SGTA: variants seen among roughly 807,000 people sequenced by gnomAD.
SGTA encodes the protein small glutamine-rich tetratricopeptide repeat-containing protein alpha.
SGTA carries 22 observed loss-of-function variants against 44.3 expected under a neutral mutation model. The observed-to-expected ratio is 0.50, with a 90% CI of 0.36 to 0.71. The LOEUF (loss-of-function observed/expected upper bound fraction) is 0.71. Among genes scored for constraint, SGTA ranks in the 30% least tolerant of loss-of-function variants. SGTA has a pLI of 0.00. For synonymous variants in SGTA, 174 were observed against 177.6 expected (o/e 0.98, Z 0.16); for missense variants, 341 against 435.9 (o/e 0.78, Z 1.94).
chr19:2,771,509 G>A (rs913794670), intron 1 of SGTA, among the ~76,000 whole-genome samples: 5 of 149,958 alleles, frequency 3.3e-5, no homozygotes, highest in South Asian at 4.2e-4. Flanking sequence ...TAGGGGAAGC[G>A]ACTTAACTCT....
At chr19:2,776,934 G>T (rs1159684644) in intron 1 of SGTA, among the ~76,000 whole-genome samples, 2 of 151,866 alleles carry the variant, frequency 1.3e-5, no homozygotes, top group South Asian at 2.1e-4. Flanking sequence ...CTGCACTCCA[G>T]CCTGGGTGGC....
At chr19:2,776,357 C>T (rs116765638) in intron 1 of SGTA, among the ~76,000 whole-genome samples, 300 of 152,362 alleles carry the variant, frequency 2.0e-3, no homozygotes, top group African/African-American at 6.1e-3. Context: ...CACGACGGAA[C>T]GCTACGCAGC....
In SGTA at chr19:2,755,534, C is replaced by A. The variant is rs1914797574; in HGVS notation, c.*406G>T. ...AGACGGGAGAGTTCCTGCAGACAGA[C>A]CACGGGATGGGGGGCGGGGGCTGTA... On this transcript the variant is annotated 3_prime_UTR_variant, in exon 12 of 12. Coordinates refer to ENST00000221566, the MANE Select transcript of SGTA (RefSeq NM_003021.4). This position sits in a 1 kb window ranked among gnomAD's most constrained non-coding sequence, Gnocchi z 5.2. 1.0e-6 allele frequency: 1 copy of A among 986,484 alleles called. No individual in the cohort carries two copies. The allele number at this position is 986,484 out of a possible 1,614,324, so 61.1% of individuals were successfully genotyped here. A position where few individuals can be genotyped will look rare whatever the true frequency, so the allele number is the denominator to read the frequency against.
intron 6 of SGTA, 23 bp from the exon 7 acceptor site, chr19:2,762,667 G>A: frequency 6.2e-7 from 1 of 1,613,024 alleles, no homozygotes. Flanking sequence ...ACCGGGGATG[G>A]ACTGTTCCCA....
rs761106959 is a variant in SGTA, at chr19:2,767,241, G to C, written c.208-21C>G. On this transcript the variant is annotated intron_variant, in intron 3 of 11. Transcript: ENST00000221566. This position sits in a 1 kb window ranked among gnomAD's most constrained non-coding sequence, Gnocchi z 7.3. ...ATCTCCTGGACCCGGAGGCAAAGGC[G>C]GCCCGCTGTCCTCTCCTCCCAACCT... The C allele has an allele frequency of 1.9e-5, 30 of 1,582,166 alleles. No homozygotes were observed. In the South Asian group the frequency reaches 3.1e-4, roughly 16 times the overall value.
At chr19:2,779,466 C>T (rs1185790605) in intron 1 of SGTA, among the ~76,000 whole-genome samples, 8 of 152,182 alleles carry the variant, frequency 5.3e-5, no homozygotes, top group Non-Finnish European at 1.2e-4. Context: ...AGCATGAGGA[C>T]GGCATTTTCC....
In SGTA at chr19:2,767,368, GC is replaced by G. The variant is rs1347777092; in HGVS notation, c.208-149del. The G allele has an allele frequency of 2.4e-5, 18 of 737,650 alleles. No homozygotes were observed. The highest frequency in any genetic ancestry group is 4.0e-5 in the Non-Finnish European group (18 of 446,522). 45.7% of individuals were successfully genotyped at this position (737,650 alleles called of 1,614,324 possible). On this transcript the variant is annotated intron_variant, in intron 3 of 11. Coordinates refer to ENST00000221566, the MANE Select transcript of SGTA (RefSeq NM_003021.4). The surrounding 1 kb of genome is among the most constrained non-coding windows in gnomAD (Gnocchi z 7.3). ...GGGACTCCTGGCCCCCCATCATGTG[GC>G]CCTGGGCGAGTGACCACAGCGCTAT...
At chr19:2,764,527 AG>A (rs1380354634) in intron 5 of SGTA, among the ~76,000 whole-genome samples, 5 of 152,144 alleles carry the variant, frequency 3.3e-5, no homozygotes, top group African/African-American at 1.2e-4. Flanking sequence ...CCTCCCAGGT[AG>A]CTGGGACTAC....
intron 1 of SGTA, 126 bp from the exon 2 acceptor site, chr19:2,769,217 C>G (rs572193490): frequency 1.1e-4 from 69 of 616,358 alleles, no homozygotes; most frequent in East Asian, 8.6e-4. Context: ...CAGGACAGCC[C>G]AGGTAGAAAG....
In SGTA at chr19:2,765,664, G is replaced by GT. The variant is rs1915118084; in HGVS notation, c.293-380dup. Among the ~76,000 whole-genome samples, 1 of 152,180 alleles carries GT rather than the reference G, an allele frequency of 6.6e-6. No homozygotes were observed. The highest frequency in any genetic ancestry group is 2.4e-5 in the African/African-American group (1 of 41,436). On this transcript the variant is annotated intron_variant, in intron 4 of 11. Coordinates refer to ENST00000221566, the MANE Select transcript of SGTA (RefSeq NM_003021.4). This position sits in a 1 kb window ranked among gnomAD's most constrained non-coding sequence, Gnocchi z 5.5. ...GCTATTGCTTTTGGAAAGAGCCCAA[G>GT]TGGAGGCCTGTATTTTGGAATACTC...
intron 1 of SGTA, among the ~76,000 whole-genome samples, chr19:2,771,547 C>T (rs1411658208): frequency 6.6e-6 from 1 of 150,996 alleles, no homozygotes; most frequent in Non-Finnish European, 1.5e-5. Flanking sequence ...TCTTCTGTCC[C>T]CCATGGATGG....
At chr19:2,772,857 C>T (rs1427344066) in intron 1 of SGTA, among the ~76,000 whole-genome samples, 3 of 103,712 alleles carry the variant, frequency 2.9e-5, no homozygotes, top group East Asian at 4.4e-4. Flanking sequence ...GTGGGTGACG[C>T]GGCCACAGGG....
chr19:2,782,735 T>TC, intron 1 of SGTA: 1 of 152,200 alleles, frequency 6.6e-6, no homozygotes, highest in African/African-American at 2.4e-5. Flanking sequence ...GCTCTCCTTC[T>TC]CCTAGGCAGG....
intron 1 of SGTA, among the ~76,000 whole-genome samples, chr19:2,776,626 G>T (rs1368456221): frequency 1.3e-5 from 2 of 152,210 alleles, no homozygotes; most frequent in African/African-American, 4.8e-5. Flanking sequence ...CTACATAGCT[G>T]TGTGAATGTG....
intron 11 of SGTA, among the ~76,000 whole-genome samples, chr19:2,756,914 C>T (rs1914834831): frequency 6.6e-6 from 1 of 152,198 alleles, no homozygotes; most frequent in Non-Finnish European, 1.5e-5. Flanking sequence ...AAGGCAGGTA[C>T]CCGGCTTGTC....
At chr19:2,758,760 A>C (rs1346768703) in intron 9 of SGTA, among the ~76,000 whole-genome samples, 1 of 152,106 alleles carries the variant, frequency 6.6e-6, no homozygotes, top group Non-Finnish European at 1.5e-5. Flanking sequence ...TGTGTGGATC[A>C]GCACAGCGTG....
intron 2 of SGTA, among the ~76,000 whole-genome samples, chr19:2,768,583 G>T (rs1353483474): frequency 6.6e-6 from 1 of 152,228 alleles, no homozygotes; most frequent in Non-Finnish European, 1.5e-5. Context: ...ATGCCAACGA[G>T]TCTGGGACTC....
chr19:2,762,736 C>T (rs376580790), intron 6 of SGTA, 92 bp from the exon 7 acceptor site: 7 of 1,490,998 alleles, frequency 4.7e-6, no homozygotes, highest in Admixed American at 1.7e-5. Flanking sequence ...CTGGCAACCC[C>T]CAAACCACCT....
chr19:2,771,903 C>T (rs1037972367), intron 1 of SGTA, among the ~76,000 whole-genome samples: 1 of 152,254 alleles, frequency 6.6e-6, no homozygotes, highest in Non-Finnish European at 1.5e-5. Flanking sequence ...TCTCCACCTG[C>T]TCCTTCCGGG....
Sources: gnomAD v4.1 joint callset for allele counts (sites outside exome capture counted in the v4.1 genomes callset) on GRCh38, gnomAD v4.1.1 for gene constraint, Gnocchi (gnomAD v3.1) non-coding constraint, MANE v1.5 for transcripts, NCBI Gene and HGNC (gene_info 2026-07-23, HGNC 2026-07-21) for gene names.